The following NCKAP5 variants were observed in gnomAD, a reference collection of about 807,000 sequenced individuals.
The protein encoded by NCKAP5 is nck-associated protein 5.
A neutral mutation model predicts 167.0 loss-of-function variants in NCKAP5; 92 were observed. The observed-to-expected ratio is 0.55, with a 90% CI of 0.47 to 0.66. The LOEUF is 0.66. Ranked by LOEUF, NCKAP5 falls within the 30% of genes least tolerant of loss-of-function variation. NCKAP5 has a pLI of 0.00. For missense variants in NCKAP5, 2,378 were observed against 2,315.0 expected (o/e 1.03, Z -0.56); for synonymous variants, 891 against 877.4 (o/e 1.02, Z -0.27).
chr2:133,494,704 A>T (rs1445954484), intron 3 of NCKAP5, among the ~76,000 whole-genome samples: 4 of 152,206 alleles, frequency 2.6e-5, no homozygotes, highest in Admixed American at 2.0e-4. Flanking sequence ...TAAGACTGAT[A>T]AAATAGACTT....
intron 6 of NCKAP5, among the ~76,000 whole-genome samples, chr2:133,116,819 A>AACC (rs2082100009): frequency 6.6e-6 from 1 of 152,064 alleles, no homozygotes. Context: ...TCTGGGCTTT[A>AACC]TTTTCTTTAT....
At chr2:132,711,426 A>G (rs1688836956) in intron 19 of NCKAP5, among the ~76,000 whole-genome samples, 1 of 152,216 alleles carries the variant, frequency 6.6e-6, no homozygotes, top group South Asian at 2.1e-4. Flanking sequence ...AAATCCTGCA[A>G]TTAGGTATTA....
intron 3 of NCKAP5, among the ~76,000 whole-genome samples, chr2:133,375,160 T>C (rs1275344502): frequency 6.6e-6 from 1 of 152,210 alleles, no homozygotes; most frequent in Non-Finnish European, 1.5e-5. Flanking sequence ...TCTACTATCA[T>C]TTGAAGTGAT....
At chr2:132,838,709 G>T (rs1182044649) in intron 11 of NCKAP5, among the ~76,000 whole-genome samples, 1 of 152,130 alleles carries the variant, frequency 6.6e-6, no homozygotes, top group Non-Finnish European at 1.5e-5. Context: ...TTTCTCTCTT[G>T]TGGGCTAATT....
At chr2:133,162,659 T>G (rs1205756596) in intron 5 of NCKAP5, among the ~76,000 whole-genome samples, 2 of 152,182 alleles carry the variant, frequency 1.3e-5, no homozygotes, top group African/African-American at 2.4e-5. Flanking sequence ...AAAATTTAAT[T>G]GACTTCTTGA....
intron 3 of NCKAP5, among the ~76,000 whole-genome samples, chr2:133,342,709 T>A (rs1683682367): frequency 6.6e-6 from 1 of 152,196 alleles, no homozygotes; most frequent in Admixed American, 6.5e-5. Context: ...CAAGTAATCC[T>A]CTTTTAGGAA....
At chr2:133,629,881 G>C in the NCKAP5 span, among the ~76,000 whole-genome samples, 3 of 152,278 alleles carry the variant, frequency 2.0e-5, no homozygotes, top group Middle Eastern at 3.4e-3. Flanking sequence ...TGCAGGAACA[G>C]AAAACCAAAC....
At chr2:133,492,897 G>A (rs944200004) in intron 3 of NCKAP5, among the ~76,000 whole-genome samples, 5 of 152,148 alleles carry the variant, frequency 3.3e-5, no homozygotes, top group Non-Finnish European at 7.3e-5. Context: ...TCTTGCTGTT[G>A]CCCAGAACAG....
chr2:132,825,642 C>A (rs984389972), intron 11 of NCKAP5, among the ~76,000 whole-genome samples: 1 of 152,170 alleles, frequency 6.6e-6, no homozygotes, highest in African/African-American at 2.4e-5. Context: ...GAATTCAGTA[C>A]AAAGGAGGTG....
chr2:133,549,654 A>G (rs1194943178), intron 2 of NCKAP5, among the ~76,000 whole-genome samples: 9 of 140,432 alleles, frequency 6.4e-5, no homozygotes, highest in Non-Finnish European at 1.1e-4. Flanking sequence ...GAAAGATCCA[A>G]AATTGACACC....
intron 11 of NCKAP5, among the ~76,000 whole-genome samples, chr2:132,809,606 C>T (rs967765449): frequency 1.1e-4 from 16 of 152,108 alleles, no homozygotes; most frequent in African/African-American, 3.9e-4. Context: ...TTTTGGTGTC[C>T]ATTTGTACGA....
intron 2 of NCKAP5, among the ~76,000 whole-genome samples, chr2:133,558,488 G>A (rs1284105277): frequency 6.6e-6 from 1 of 151,924 alleles, no homozygotes; most frequent in Non-Finnish European, 1.5e-5. Flanking sequence ...AGCCAGGGAA[G>A]ATGGTCCAGG....
chr2:133,663,654 A>G, the NCKAP5 span, among the ~76,000 whole-genome samples: 1 of 152,050 alleles, frequency 6.6e-6, no homozygotes, highest in Non-Finnish European at 1.5e-5. Flanking sequence ...GTAAGAAGCA[A>G]CTCCTCACCT....
chr2:133,571,161 T>A (rs1018337237), upstream of NCKAP5, among the ~76,000 whole-genome samples: 1 of 152,126 alleles, frequency 6.6e-6, no homozygotes, highest in African/African-American at 2.4e-5. Flanking sequence ...TATAATCGTT[T>A]CAAGAAAAGG....
intron 5 of NCKAP5, among the ~76,000 whole-genome samples, chr2:133,199,958 T>C (rs1194051040): frequency 1.3e-5 from 2 of 151,746 alleles, no homozygotes. Flanking sequence ...CAAAAAAGCA[T>C]ATAGTTCAGA....
At chr2:132,932,325 CT>C (rs1003125859) in intron 8 of NCKAP5, among the ~76,000 whole-genome samples, 1 of 151,646 alleles carries the variant, frequency 6.6e-6, no homozygotes, top group East Asian at 1.9e-4. Context: ...CTTTTCTTTT[CT>C]TTTTTTTGTG....
At chr2:133,055,320 A>G (rs2079758586) in intron 6 of NCKAP5, among the ~76,000 whole-genome samples, 1 of 152,108 alleles carries the variant, frequency 6.6e-6, no homozygotes, top group African/African-American at 2.4e-5. Context: ...CTGGAAGAGA[A>G]GTAGGAAGGA....
chr2:133,061,829 G>T (rs902502921), intron 6 of NCKAP5, among the ~76,000 whole-genome samples: 1 of 147,816 alleles, frequency 6.8e-6, no homozygotes, highest in Admixed American at 6.7e-5. Context: ...GGCCACTATG[G>T]CTTCCCCACC....
At chr2:133,464,519 C>T (rs1304513369) in intron 3 of NCKAP5, among the ~76,000 whole-genome samples, 1 of 151,930 alleles carries the variant, frequency 6.6e-6, no homozygotes, top group Admixed American at 6.5e-5. Context: ...GAAACCCAGT[C>T]TCTACTAAAA....
Sources: allele counts gnomAD v4.1 joint callset (sites outside exome capture counted in the v4.1 genomes callset), GRCh38; gene constraint gnomAD v4.1.1; transcripts MANE v1.5; gene names NCBI Gene and HGNC (gene_info 2026-07-23, HGNC 2026-07-21).